The following CTNNA2 variants were observed in gnomAD, a reference collection of about 807,000 sequenced individuals.
The protein encoded by CTNNA2 is catenin alpha-2.
Under a neutral mutation model 101.0 loss-of-function variants are expected in CTNNA2, and 42 were observed. The ratio of observed to expected loss-of-function variants is 0.42; its 90% confidence interval spans 0.32 to 0.54. The LOEUF is 0.54. Among genes scored for constraint, CTNNA2 ranks in the 20% least tolerant of loss-of-function variants. CTNNA2 has a pLI of 0.14. For synonymous variants in CTNNA2, 450 were observed against 456.4 expected, an observed-to-expected ratio of 0.99 and a Z score of 0.18; for missense variants, 871 against 1,223.1, an observed-to-expected ratio of 0.71 and a Z score of 4.29.
intron 7 of CTNNA2, among the ~76,000 whole-genome samples, chr2:80,164,938 G>GTTTTT (rs1558866800): frequency 9.3e-6 from 1 of 107,102 alleles, no homozygotes; most frequent in Non-Finnish European, 1.8e-5. Flanking sequence ...CCCAACTTTT[G>GTTTTT]GTTTTTTTTT....
chr2:80,011,276 G>A (rs1693758932), intron 7 of CTNNA2, among the ~76,000 whole-genome samples: 2 of 152,160 alleles, frequency 1.3e-5, no homozygotes. Flanking sequence ...TGCTATAGTT[G>A]TAAAATTTTG....
chr2:79,496,475 A>G (rs917098693), intron 4 of CTNNA2, among the ~76,000 whole-genome samples: 4 of 152,104 alleles, frequency 2.6e-5, no homozygotes, highest in Non-Finnish European at 5.9e-5. Context: ...AATACTTTCA[A>G]TGGTGTTCTT....
intron 1 of CTNNA2, among the ~76,000 whole-genome samples, chr2:79,575,854 C>T (rs1254634525): frequency 6.6e-6 from 1 of 152,144 alleles, no homozygotes; most frequent in Admixed American, 6.6e-5. Flanking sequence ...TAAATGCTGG[C>T]TCTACAAATG....
At chr2:79,824,803 CT>C (rs1199297562) in intron 3 of CTNNA2, among the ~76,000 whole-genome samples, 3 of 152,086 alleles carry the variant, frequency 2.0e-5, no homozygotes, top group South Asian at 4.1e-4. Flanking sequence ...AAAAGTTCCC[CT>C]TTTTTTGGTA....
At chr2:80,168,586 T>A (rs1704844411) in intron 7 of CTNNA2, among the ~76,000 whole-genome samples, 1 of 152,120 alleles carries the variant, frequency 6.6e-6, no homozygotes, top group Non-Finnish European at 1.5e-5. Flanking sequence ...GACACATACA[T>A]GGTTAGAGTG....
At chr2:79,194,642 C>A (rs1383852229) in intron 1 of CTNNA2, among the ~76,000 whole-genome samples, 2 of 152,176 alleles carry the variant, frequency 1.3e-5, no homozygotes, top group Middle Eastern at 3.2e-3. Flanking sequence ...AGGGCAGATG[C>A]CCAAACTGCC....
intron 1 of CTNNA2, among the ~76,000 whole-genome samples, chr2:79,594,014 A>G (rs1677035196): frequency 6.8e-6 from 1 of 146,820 alleles, no homozygotes; most frequent in Non-Finnish European, 1.5e-5. Context: ...TCAGCCTCCC[A>G]ACTAGCTGGG....
chr2:80,064,695 G>A (rs895212918), intron 7 of CTNNA2, among the ~76,000 whole-genome samples: 2 of 152,244 alleles, frequency 1.3e-5, no homozygotes, highest in Non-Finnish European at 2.9e-5. Context: ...TTTATAGGAT[G>A]GTCTCAATAT....
chr2:79,589,719 C>G (rs79888981), intron 1 of CTNNA2, among the ~76,000 whole-genome samples: 2 of 150,864 alleles, frequency 1.3e-5, no homozygotes, highest in Middle Eastern at 3.5e-3. Context: ...TTTTTTTTTC[C>G]CCCCCCCGAG....
intron 12 of CTNNA2, among the ~76,000 whole-genome samples, chr2:80,559,865 A>G (rs1178018835): frequency 8.5e-6 from 1 of 117,424 alleles, no homozygotes; most frequent in Non-Finnish European, 1.9e-5. Flanking sequence ...AAGCACATTC[A>G]GCGATATCAT....
At chr2:80,399,238 C>T (rs898720659) in intron 8 of CTNNA2, among the ~76,000 whole-genome samples, 16 of 152,052 alleles carry the variant, frequency 1.1e-4, no homozygotes, top group Non-Finnish European at 2.2e-4. Context: ...GATAAAACAA[C>T]CCTAAATGTC....
intron 2 of CTNNA2, among the ~76,000 whole-genome samples, chr2:79,663,583 T>A (rs752467500): frequency 7.9e-5 from 12 of 152,176 alleles, no homozygotes; most frequent in African/African-American, 1.4e-4. Flanking sequence ...CTTACATCTT[T>A]CGGCTACCAT....
At chr2:80,236,669 T>C (rs1014571793) in intron 7 of CTNNA2, among the ~76,000 whole-genome samples, 1 of 152,174 alleles carries the variant, frequency 6.6e-6, no homozygotes, top group Non-Finnish European at 1.5e-5. Context: ...AGTAGGCCTA[T>C]AGATTATTGT....
chr2:80,229,683 G>T (rs924066427), intron 7 of CTNNA2, among the ~76,000 whole-genome samples: 3 of 152,090 alleles, frequency 2.0e-5, no homozygotes, highest in African/African-American at 7.2e-5. Flanking sequence ...TTGGTGATGG[G>T]ACAGGGGATT....
chr2:80,116,921 G>A (rs565571235), intron 7 of CTNNA2, among the ~76,000 whole-genome samples: 1 of 152,010 alleles, frequency 6.6e-6, no homozygotes, highest in South Asian at 2.1e-4. Flanking sequence ...GTGTGTGTGT[G>A]TGTGTGTGTG....
intron 7 of CTNNA2, among the ~76,000 whole-genome samples, chr2:80,384,307 C>T (rs946403557): frequency 9.2e-5 from 14 of 151,796 alleles, no homozygotes; most frequent in South Asian, 4.2e-4. Flanking sequence ...ACCTGCATGA[C>T]GGATTTGATG....
At chr2:79,703,429 A>G (rs1685141650) in intron 2 of CTNNA2, among the ~76,000 whole-genome samples, 1 of 152,184 alleles carries the variant, frequency 6.6e-6, no homozygotes, top group Non-Finnish European at 1.5e-5. Flanking sequence ...CTTATCGCTT[A>G]CCTATATGGT....
intron 8 of CTNNA2, among the ~76,000 whole-genome samples, chr2:80,419,034 A>G (rs192007821): frequency 4.6e-5 from 7 of 152,314 alleles, no homozygotes; most frequent in Admixed American, 4.6e-4. Context: ...GCCAAGTTTC[A>G]CGGTTGGCTT....
chr2:80,526,193 G>T (rs1230043021), intron 9 of CTNNA2, among the ~76,000 whole-genome samples: 2 of 151,556 alleles, frequency 1.3e-5, no homozygotes, highest in African/African-American at 4.8e-5. Flanking sequence ...TCTGTGCCTC[G>T]ATTTTCTTTT....
Sources: gnomAD v4.1 joint callset for allele counts (sites outside exome capture counted in the v4.1 genomes callset) on GRCh38, gnomAD v4.1.1 for gene constraint, MANE v1.5 for transcripts, NCBI Gene and HGNC (gene_info 2026-07-23, HGNC 2026-07-21) for gene names.